Variants in TNRC18 observed in about 807,000 individuals in gnomAD.
TNRC18 encodes the protein trinucleotide repeat-containing gene 18 protein.
TNRC18 carries 69 observed loss-of-function variants against 226.7 expected under a neutral mutation model. The observed-to-expected ratio is 0.30, with a 90% CI of 0.25 to 0.37. TNRC18 has a LOEUF of 0.37. Among genes scored for constraint, TNRC18 ranks in the 10% least tolerant of loss-of-function variants. TNRC18 has a pLI of 1.00. For missense variants in TNRC18, 4,754 were observed against 4,256.6 expected (o/e 1.12, Z -3.25); for synonymous variants, 2,449 against 1,927.6 (o/e 1.27, Z -7.09).
chr7:5,364,512 C>CACACAT (rs1793421840), intron 11 of TNRC18, among the ~76,000 whole-genome samples: 1 of 143,960 alleles, frequency 6.9e-6, no homozygotes, highest in South Asian at 2.2e-4. Context: ...CACACACACA[C>CACACAT]ACGATCTCAG....
rs567211163 is a variant in TNRC18 at position 5,386,932 on chromosome 7, A to C, written c.2152+740T>G. On this transcript the variant is annotated intron_variant, in intron 5 of 29. Transcript: ENST00000430969. Reference sequence around the variant, plus strand: ...TCTACTAAAAACACAAAATTAGCCAAGCATGGTGGCACATGTCTGTAATCC... The same window carrying C: ...TCTACTAAAAACACAAAATTAGCCACGCATGGTGGCACATGTCTGTAATCC... 4.6e-5 allele frequency among the ~76,000 whole-genome samples: 7 copies of C among 152,072 alleles called. No homozygotes were observed. In the South Asian group the frequency reaches 8.3e-4, roughly 18 times the overall value.
At chr7:5,362,075 AC>A in intron 12 of TNRC18, 42 bp from the exon 13 acceptor site, 1 of 1,601,988 alleles carries the variant, frequency 6.2e-7, no homozygotes, top group Non-Finnish European at 8.5e-7. Flanking sequence ...TGAGGATGCC[AC>A]TGCCTAACGA....
At chr7:5,385,995 A>ACAAAC (rs1779756378) in intron 5 of TNRC18, among the ~76,000 whole-genome samples, 1 of 149,756 alleles carries the variant, frequency 6.7e-6, no homozygotes, top group African/African-American at 2.5e-5. Context: ...AAAAAAAAAA[A>ACAAAC]AAAAAAAAAA....
chr7:5,322,665 G>A (rs1175419653), intron 21 of TNRC18, among the ~76,000 whole-genome samples: 1 of 152,206 alleles, frequency 6.6e-6, no homozygotes, highest in Non-Finnish European at 1.5e-5. Context: ...GCCGACGGCG[G>A]TCACCTCTCA....
intron 5 of TNRC18, among the ~76,000 whole-genome samples, chr7:5,385,138 A>T (rs1418560780): frequency 6.6e-6 from 1 of 152,234 alleles, no homozygotes; most frequent in East Asian, 1.9e-4. Context: ...TGCAGGCGGG[A>T]GGTCCAGCAC....
intron 11 of TNRC18, 96 bp downstream of exon 11, chr7:5,370,279 T>C (rs2128171778): frequency 1.5e-6 from 2 of 1,372,812 alleles, no homozygotes; most frequent in South Asian, 2.9e-5. Flanking sequence ...GCTAAGATTG[T>C]GCCACTGCAC....
chr7:5,328,510 G>GC (rs1562498623), intron 19 of TNRC18, among the ~76,000 whole-genome samples: 2 of 110,446 alleles, frequency 1.8e-5, no homozygotes, highest in African/African-American at 5.6e-5. Flanking sequence ...CCCCGCCGCC[G>GC]CCTTTTTTTT....
intron 19 of TNRC18, among the ~76,000 whole-genome samples, chr7:5,326,067 T>G (rs1401005781): frequency 6.6e-6 from 1 of 152,120 alleles, no homozygotes; most frequent in Non-Finnish European, 1.5e-5. Context: ...TTGCCCCGTC[T>G]GCCCAAAAAA....
At chr7:5,328,540 G>A (rs544324378) in intron 19 of TNRC18, among the ~76,000 whole-genome samples, 7 of 147,520 alleles carry the variant, frequency 4.7e-5, no homozygotes, top group East Asian at 2.0e-4. Flanking sequence ...ACAGAGTCTC[G>A]CTCTGCCACC....
chr7:5,382,384 C>T (rs918174030), intron 5 of TNRC18, among the ~76,000 whole-genome samples: 1 of 152,168 alleles, frequency 6.6e-6, no homozygotes, highest in African/African-American at 2.4e-5. Context: ...CAAAAGCCCC[C>T]GAGTCTGCAG....
Position 5,362,925 on chromosome 7 carries a change from C to A in TNRC18, c.4220-100G>T, listed in dbSNP as rs76586797. The A allele has an allele frequency of 5.8e-3, 7,264 of 1,253,056 alleles. 286 individuals are homozygous for A. The East Asian group carries it at 0.11, about 19-fold the overall frequency. The allele number at this position is 1,253,056 out of a possible 1,614,324, so 77.6% of individuals were successfully genotyped here. A position where few individuals can be genotyped will look rare whatever the true frequency, so the allele number is the denominator to read the frequency against. ...AAGCAAGCGCAGGCCCCAGGCCACA[C>A]GTGCCCATCCCCCAAGGTGCTGAGT... On this transcript the variant is annotated intron_variant, in intron 11 of 29. Coordinates refer to ENST00000430969, the MANE Select transcript of TNRC18 (RefSeq NM_001080495.3).
chr7:5,361,528 G>A (rs1232733006), intron 14 of TNRC18, 66 bp downstream of exon 14: 12 of 1,424,516 alleles, frequency 8.4e-6, no homozygotes, highest in East Asian at 8.2e-5. Flanking sequence ...CAGGCCCTGC[G>A]TGGGGCCCGG....
rs1794063184 is a variant in TNRC18, at chr7:5,370,728, G to A, written c.3866C>T (p.Pro1289Leu). 2 of 1,607,622 alleles carry A rather than the reference G, an allele frequency of 1.2e-6. No homozygotes were observed. Among genetic ancestry groups the A allele is most frequent in the South Asian group, 2.2e-5 (2 of 90,218 alleles). ...GTCACAGTCTGACATTTCTAGGGTGGGCTGGGACTCGCTCGGTGCCACCTG... is the reference window on the plus strand; with the variant it reads ...GTCACAGTCTGACATTTCTAGGGTGAGCTGGGACTCGCTCGGTGCCACCTG... ...LAQVAPSESQ[P>L]TLEMSDCDVP... Residue 1289 changes from proline (P) to leucine (L), a missense_variant, in exon 11 of 30, where the codon CCC (proline) becomes CTC (leucine). Transcript: ENST00000430969.
At chr7:5,413,004 G>A (rs1781939151) in intron 2 of TNRC18, among the ~76,000 whole-genome samples, 1 of 152,216 alleles carries the variant, frequency 6.6e-6, no homozygotes, top group Non-Finnish European at 1.5e-5. Flanking sequence ...CAAGTCACAT[G>A]CCAGGCCTCT....
Position 5,324,483 on chromosome 7 carries a change from G to A in TNRC18, c.6301-128C>T. The A allele has an allele frequency of 1.5e-6, 2 of 1,332,928 alleles. No individual in the cohort carries two copies. The highest frequency in any genetic ancestry group is 2.0e-6 in the Non-Finnish European group (2 of 977,070). The allele number at this position is 1,332,928 out of a possible 1,614,324, so 82.6% of individuals were successfully genotyped here. On this transcript the variant is annotated intron_variant, in intron 20 of 29. Coordinates refer to ENST00000430969, the MANE Select transcript of TNRC18 (RefSeq NM_001080495.3). This position sits in a 1 kb window ranked among gnomAD's most constrained non-coding sequence, Gnocchi z 4.8. ...GGGAATCTGTCATGTGCATGGCAGG[G>A]ATCCCAGTTAGGGGCACCCCAGAGG...
intron 19 of TNRC18, among the ~76,000 whole-genome samples, chr7:5,327,488 C>T (rs911658672): frequency 1.3e-5 from 2 of 151,784 alleles, no homozygotes; most frequent in African/African-American, 4.8e-5. Flanking sequence ...GCATCTTAGG[C>T]GCTGAAAGAA....
intron 9 of TNRC18, 22 bp downstream of exon 9, chr7:5,376,012 C>A: frequency 1.3e-6 from 2 of 1,571,916 alleles, no homozygotes; most frequent in South Asian, 1.2e-5. Flanking sequence ...GAGGGAGCTG[C>A]GCCTCATCCT....
intron 1 of TNRC18, among the ~76,000 whole-genome samples, chr7:5,422,550 A>C (rs1179574904): frequency 6.6e-6 from 1 of 152,094 alleles, no homozygotes; most frequent in Non-Finnish European, 1.5e-5. Flanking sequence ...CACATTCCTG[A>C]TTCCGGGAGG....
At chr7:5,320,895 G>C (rs1341363783) in intron 22 of TNRC18, among the ~76,000 whole-genome samples, 178 bp downstream of exon 22, 4 of 152,218 alleles carry the variant, frequency 2.6e-5, no homozygotes, top group African/African-American at 9.6e-5. Context: ...GGTTCACCCA[G>C]TACTCCCTCA....
Sources: gnomAD v4.1 joint callset for allele counts (sites outside exome capture counted in the v4.1 genomes callset) on GRCh38, gnomAD v4.1.1 for gene constraint, Gnocchi (gnomAD v3.1) non-coding constraint, MANE v1.5 for transcripts, NCBI Gene and HGNC (gene_info 2026-07-23, HGNC 2026-07-21) for gene names.